Variants in HDAC9 observed in about 807,000 individuals in gnomAD.
HDAC9 encodes the protein histone deacetylase 9, also known as MEF-2 interacting transcription repressor (MITR) protein.
HDAC9 carries 41 observed loss-of-function variants against 139.4 expected under a neutral mutation model. The ratio of observed to expected loss-of-function variants is 0.29; its 90% confidence interval spans 0.23 to 0.38. The LOEUF (loss-of-function observed/expected upper bound fraction) is 0.38. Among genes scored for constraint, HDAC9 ranks in the 10% least tolerant of loss-of-function variants. HDAC9 has a pLI of 1.00. For synonymous variants in HDAC9, 517 were observed against 476.2 expected (o/e 1.09, Z -1.12); for missense variants, 1,147 against 1,297.0 (o/e 0.88, Z 1.78).
chr7:18,888,152 T>A (rs1408874436), intron 22 of HDAC9, among the ~76,000 whole-genome samples: 2 of 152,202 alleles, frequency 1.3e-5, no homozygotes, highest in Non-Finnish European at 2.9e-5. Flanking sequence ...CCGGGTGCGG[T>A]GGCTCCCGCC....
intron 2 of HDAC9, among the ~76,000 whole-genome samples, chr7:18,218,722 A>C (rs1320570934): frequency 2.0e-5 from 3 of 152,106 alleles, no homozygotes; most frequent in African/African-American, 7.2e-5. Flanking sequence ...TTCTTATATT[A>C]TGAAATAGTG....
chr7:18,585,341 C>A lies in HDAC9; in HGVS notation c.83C>A (p.Thr28Lys). 6.2e-7 allele frequency: 1 copy of A among 1,613,328 alleles called. No individual in the cohort carries two copies. The highest frequency in any genetic ancestry group is 8.5e-7 in the Non-Finnish European group (1 of 1,179,738). Residue 28 changes from threonine (T) to lysine (K), a missense_variant, in exon 3 of 26, where the codon ACA becomes AAA. Thr to Lys is a moderately conservative substitution (Grantham distance 78). Coordinates refer to ENST00000686413, the MANE Select transcript of HDAC9 (RefSeq NM_178425.4). ...LEPISPLDLRTDLRMMMPVVD... is the reference protein window; with the variant it reads ...LEPISPLDLRKDLRMMMPVVD... Reference sequence around the variant, plus strand: ...CCCATCTCACCTTTAGACCTAAGGACAGACCTCAGGATGATGATGCCCGTG... The same window carrying A: ...CCCATCTCACCTTTAGACCTAAGGAAAGACCTCAGGATGATGATGCCCGTG...
chr7:18,348,970 A>G (rs1389948700), intron 1 of HDAC9, among the ~76,000 whole-genome samples: 4 of 152,158 alleles, frequency 2.6e-5, no homozygotes, highest in Admixed American at 6.5e-5. Flanking sequence ...GATGCTGTGA[A>G]GAACAGAAAT....
intron 16 of HDAC9, among the ~76,000 whole-genome samples, chr7:18,779,077 GCT>G (rs1460837316): frequency 1.3e-5 from 2 of 152,032 alleles, no homozygotes; most frequent in African/African-American, 2.4e-5. Flanking sequence ...CCCTGTAGCT[GCT>G]CTGTTTCTTT....
At chr7:18,716,562 A>G (rs913824316) in intron 12 of HDAC9, among the ~76,000 whole-genome samples, 1 of 151,150 alleles carries the variant, frequency 6.6e-6, no homozygotes, top group African/African-American at 2.4e-5. Context: ...ATATATATAA[A>G]TGCATAGTGC....
intron 25 of HDAC9, among the ~76,000 whole-genome samples, chr7:18,994,955 T>C (rs1237472333): frequency 1.3e-5 from 2 of 152,184 alleles, no homozygotes; most frequent in Admixed American, 6.5e-5. Flanking sequence ...ATCCAAATAT[T>C]TTTTCCTTCT....
chr7:18,779,187 T>C (rs952581733), intron 16 of HDAC9, among the ~76,000 whole-genome samples: 12 of 152,162 alleles, frequency 7.9e-5, no homozygotes, highest in African/African-American at 2.9e-4. Flanking sequence ...CTTCCAATGT[T>C]GAACAAAAGA....
rs76910813 is a variant in HDAC9, at chr7:18,145,932, A to T, written c.-96-16297A>T. 3.3e-5 allele frequency among the ~76,000 whole-genome samples: 5 copies of T among 152,244 alleles called. No individual in the cohort carries two copies. The South Asian group carries it at 1.0e-3, about 32-fold the overall frequency. Reference sequence around the variant, plus strand: ...AGCAAATTTAGGGCAGAACAGAAAGACCCCACAAAAGAGGTCAATGGAACA... The same window carrying T: ...AGCAAATTTAGGGCAGAACAGAAAGTCCCCACAAAAGAGGTCAATGGAACA... On this transcript the variant is annotated intron_variant, in intron 1 of 12. Coordinates refer to the HDAC9 transcript ENST00000417496.
At chr7:18,124,871 T>C (rs1784559442) in intron 1 of HDAC9, among the ~76,000 whole-genome samples, 1 of 151,302 alleles carries the variant, frequency 6.6e-6, no homozygotes, top group African/African-American at 2.4e-5. Context: ...ATGACTGATA[T>C]TTTCTCAGTT....
At chr7:18,198,407 G>A (rs1178322) in intron 2 of HDAC9, among the ~76,000 whole-genome samples, 1 of 151,876 alleles carries the variant, frequency 6.6e-6, no homozygotes, top group African/African-American at 2.4e-5. Context: ...TCTTCCAACT[G>A]TAAAATCTTC....
intron 2 of HDAC9, among the ~76,000 whole-genome samples, chr7:18,276,785 C>T (rs1376524364): frequency 6.6e-6 from 1 of 152,048 alleles, no homozygotes; most frequent in Non-Finnish European, 1.5e-5. Context: ...AGAAATAAAG[C>T]TTATTCATTT....
chr7:18,453,612 T>TCTAAAG (rs1329448824), intron 1 of HDAC9, among the ~76,000 whole-genome samples: 1 of 152,200 alleles, frequency 6.6e-6, no homozygotes, highest in Admixed American at 6.6e-5. Flanking sequence ...CTAATCCTTG[T>TCTAAAG]CTAAAGCTTC....
At chr7:18,249,809 T>C (rs1022417761) in intron 2 of HDAC9, among the ~76,000 whole-genome samples, 1 of 152,174 alleles carries the variant, frequency 6.6e-6, no homozygotes, top group African/African-American at 2.4e-5. Context: ...TTCCTTTTAA[T>C]GAATAGGTTA....
At chr7:18,599,315 G>T (rs765845668) in intron 6 of HDAC9, among the ~76,000 whole-genome samples, 2 of 152,066 alleles carry the variant, frequency 1.3e-5, no homozygotes, top group Non-Finnish European at 2.9e-5. Flanking sequence ...TATTGTTAAT[G>T]CAGTCCATAG....
chr7:18,770,964 G>A (rs1226177619), intron 16 of HDAC9, among the ~76,000 whole-genome samples: 2 of 152,132 alleles, frequency 1.3e-5, no homozygotes, highest in African/African-American at 4.8e-5. Context: ...GCAGACAGCA[G>A]AGAATTCCAC....
intron 21 of HDAC9, among the ~76,000 whole-genome samples, chr7:18,857,698 C>T (rs12699995): frequency 0.52 from 78,946 of 151,272 alleles, 21,705 homozygotes; most frequent in African/African-American, 0.7. Flanking sequence ...TCTGTCCTGA[C>T]ATTATGAAAT....
At position 18,200,328 on chromosome 7, in the gene HDAC9, A is replaced by G. The variant is rs77280957; in HGVS notation, c.25+37979A>G. ...TTTCCATGCATAATTCCCCTCTTAT[A>G]TAAACCTCCATTTGGAGCCATTTTA... On this transcript the variant is annotated intron_variant, in intron 2 of 12. Transcript: ENST00000417496. Among the ~76,000 whole-genome samples the G allele has an allele frequency of 1.2e-3, 177 of 152,350 alleles. No homozygotes were observed. The East Asian group carries it at 0.03, about 26-fold the overall frequency.
At chr7:18,762,374 C>A in intron 15 of HDAC9, 97 bp downstream of exon 15, 6 of 1,397,462 alleles carry the variant, frequency 4.3e-6, no homozygotes, top group Admixed American at 4.3e-5. Flanking sequence ...AGTAGTGCAA[C>A]AAAAAATCAG....
At position 18,508,027 on chromosome 7, in the gene HDAC9, C is replaced by T. The variant is rs113068122; in HGVS notation, c.22+11703C>T. On this transcript the variant is annotated intron_variant, in intron 2 of 25. Coordinates refer to ENST00000686413, the MANE Select transcript of HDAC9 (RefSeq NM_178425.4). ...GAACTGGGGTGAAAGAGTCATTTAT[C>T]GGTTCATTTTTTCACCCAAAACTGT... 7.8e-3 allele frequency among the ~76,000 whole-genome samples: 1,192 copies of T among 152,198 alleles called. 16 individuals carry two copies. The highest frequency in any genetic ancestry group is 0.027 in the African/African-American group (1,129 of 41,516).
Sources: gnomAD v4.1 joint callset for allele counts (sites outside exome capture counted in the v4.1 genomes callset) on GRCh38, gnomAD v4.1.1 for gene constraint, MANE v1.5 for transcripts, NCBI Gene and HGNC (gene_info 2026-07-23, HGNC 2026-07-21) for gene names.